TEF: variants seen among roughly 807,000 people sequenced by gnomAD.
The protein encoded by TEF is thyrotroph embryonic factor.
TEF carries 3 observed loss-of-function variants against 20.8 expected under a neutral mutation model. The ratio of observed to expected loss-of-function variants is 0.14; its 90% CI spans 0.07 to 0.37. The LOEUF (loss-of-function observed/expected upper bound fraction) is 0.37, where lower values mean the gene tolerates loss of function less well. TEF is among the 10% of genes least tolerant of loss of function. TEF has a pLI of 1.00. For synonymous variants in TEF, 180 were observed against 171.1 expected (o/e 1.05, Z -0.41); for missense variants, 296 against 397.9 (o/e 0.74, Z 2.18).
At chr22:41,393,260 C>T (rs2037188218) in intron 2 of TEF, among the ~76,000 whole-genome samples, 1 of 149,980 alleles carries the variant, frequency 6.7e-6, no homozygotes, top group Non-Finnish European at 1.5e-5. Context: ...AGGATCACTC[C>T]AGCCCAGAAG....
chr22:41,390,506 T>C (rs915000845), intron 2 of TEF, among the ~76,000 whole-genome samples: 2 of 142,756 alleles, frequency 1.4e-5, no homozygotes, highest in African/African-American at 5.3e-5. Context: ...TTTTTTTTTT[T>C]TTTTTTTTTT....
At chr22:41,373,439 T>C (rs1205141239) in intron 1 of TEF, among the ~76,000 whole-genome samples, 1 of 152,144 alleles carries the variant, frequency 6.6e-6, no homozygotes, top group African/African-American at 2.4e-5. Context: ...TCCATGAACA[T>C]ATATTTTGTA....
chr22:41,392,349 C>T lies in TEF; in HGVS notation c.476-1747C>T, dbSNP rs1161338057. On this transcript the variant is annotated intron_variant, in intron 2 of 3. Coordinates refer to ENST00000266304, the MANE Select transcript of TEF (RefSeq NM_003216.4). ...GGGAAAACCATTTTATTTCTCTGAG[C>T]GTTAGTTTCTTCATCTGTAAACTAG... Among the ~76,000 whole-genome samples the T allele has an allele frequency of 3.9e-5, 6 of 152,036 alleles. No individual in the cohort carries two copies. The East Asian group carries it at 5.8e-4, about 15-fold the overall frequency.
rs531652859 is a variant in TEF, at chr22:41,397,034, G to A, written c.*1074G>A. 3 of 398,866 alleles carry A rather than the reference G, an allele frequency of 7.5e-6. No homozygotes were observed. The highest frequency in any genetic ancestry group is 1.3e-5 in the Non-Finnish European group (3 of 226,324). 24.7% of individuals were successfully genotyped at this position (398,866 alleles called of 1,614,324 possible). ...GCCTGGGCTGGAGTGCACTCTCCCT[G>A]GGGGCAGCTGGGGCCTCGCAATTCT... On this transcript the variant is annotated 3_prime_UTR_variant, in exon 4 of 4. Transcript: ENST00000266304.
At chr22:41,386,543 C>T (rs2037100137) in intron 1 of TEF, among the ~76,000 whole-genome samples, 1 of 151,958 alleles carries the variant, frequency 6.6e-6, no homozygotes, top group South Asian at 2.1e-4. Context: ...GAGTTTGAGA[C>T]CAGTCTGGCC....
chr22:41,394,184 C>T lies in TEF; in HGVS notation c.564C>T (p.Ala188=), dbSNP rs370668760. The T allele has an allele frequency of 1.4e-5, 22 of 1,614,034 alleles. No homozygotes were observed. The highest frequency in any genetic ancestry group is 1.6e-4 in the Middle Eastern group (1 of 6,084). Residue 188 remains alanine, a synonymous_variant, in exon 3 of 4, where the codon GCC becomes GCT. Coordinates refer to ENST00000266304, the MANE Select transcript of TEF (RefSeq NM_003216.4). ...ATGTGAACTTCAATCCGGACCCCGC[C>T]GACCTGGTGCTCTCCAGTGTGCCAG... ...EVDVNFNPDP[A]DLVLSSVPGG...
chr22:41,392,531 G>A (rs1758437377), intron 2 of TEF, among the ~76,000 whole-genome samples: 3 of 151,040 alleles, frequency 2.0e-5, no homozygotes, highest in Admixed American at 6.6e-5. Flanking sequence ...AAAATTAGCC[G>A]AGCATGGTAG....
chr22:41,378,932 G>A (rs918205234), upstream of TEF, among the ~76,000 whole-genome samples: 5 of 152,206 alleles, frequency 3.3e-5, no homozygotes, highest in Non-Finnish European at 7.3e-5. Flanking sequence ...GAGTGACACA[G>A]GCACCACACT....
Position 41,396,219 on chromosome 22 carries a change from C to G in TEF, c.*259C>G. 1 of 450,044 alleles carries G rather than the reference C, an allele frequency of 2.2e-6. No individual in the cohort carries two copies. The highest frequency in any genetic ancestry group is 4.1e-6 in the Non-Finnish European group (1 of 245,916). 27.9% of individuals were successfully genotyped at this position (450,044 alleles called of 1,614,324 possible). ...GGGTGACTCAGCCTTAGTTTCTATTCTTGGATGTCCCAGTTGAATCAGAAG... is the reference window on the plus strand; with the variant it reads ...GGGTGACTCAGCCTTAGTTTCTATTGTTGGATGTCCCAGTTGAATCAGAAG... On this transcript the variant is annotated 3_prime_UTR_variant, in exon 4 of 4. Coordinates refer to ENST00000266304, the MANE Select transcript of TEF (RefSeq NM_003216.4).
Position 41,381,990 on chromosome 22 carries a change from C to T in TEF, c.-55C>T. On this transcript the variant is annotated 5_prime_UTR_variant, in exon 1 of 4. Coordinates refer to ENST00000266304, the MANE Select transcript of TEF (RefSeq NM_003216.4). ...CTGCAGCGGGTCGCACGGCTCCGGCCCATCTCGGGGGGCGGGCGGGGGAGG... is the reference window on the plus strand; with the variant it reads ...CTGCAGCGGGTCGCACGGCTCCGGCTCATCTCGGGGGGCGGGCGGGGGAGG... The T allele has an allele frequency of 2.4e-6, 3 of 1,228,464 alleles. No homozygotes were observed. The highest frequency in any genetic ancestry group is 3.2e-5 in the East Asian group (1 of 31,466). 76.1% of individuals were successfully genotyped at this position (1,228,464 alleles called of 1,614,324 possible).
At chr22:41,371,713 C>A (rs1374673345) in intron 1 of TEF, among the ~76,000 whole-genome samples, 2 of 152,196 alleles carry the variant, frequency 1.3e-5, no homozygotes, top group Admixed American at 1.3e-4. Flanking sequence ...CTTCTTTCCA[C>A]CTTCCTTTGA....
chr22:41,395,472 G>C (rs1358753466), intron 3 of TEF, among the ~76,000 whole-genome samples: 1 of 152,178 alleles, frequency 6.6e-6, no homozygotes, highest in Non-Finnish European at 1.5e-5. Context: ...ACAGTGCAAT[G>C]CTTTGTGCTG....
At chr22:41,388,247 C>T (rs1180273804) in intron 2 of TEF, among the ~76,000 whole-genome samples, 2 of 152,064 alleles carry the variant, frequency 1.3e-5, no homozygotes, top group Non-Finnish European at 2.9e-5. Context: ...ATCTGCCCGC[C>T]TCAGCCTCCC....
At chr22:41,368,510 C>G (rs1351835143) in intron 1 of TEF, among the ~76,000 whole-genome samples, 1 of 152,188 alleles carries the variant, frequency 6.6e-6, no homozygotes, top group African/African-American at 2.4e-5. Context: ...CCACAGGACG[C>G]TCTCAGCCCA....
At chr22:41,371,845 T>G (rs1408246512) in intron 1 of TEF, among the ~76,000 whole-genome samples, 1 of 152,094 alleles carries the variant, frequency 6.6e-6, no homozygotes, top group Non-Finnish European at 1.5e-5. Context: ...CAGCCCCATT[T>G]CATAACAGGC....
rs956000583 is a variant in TEF at position 41,374,477 on chromosome 22, A to G, written c.67+6878A>G. Among the ~76,000 whole-genome samples the G allele has an allele frequency of 5.3e-5, 8 of 151,762 alleles. No individual in the cohort carries two copies. The South Asian group carries it at 1.0e-3, about 20-fold the overall frequency. ...TGAGGCAGGAGAATGGCGTGAACCC[A>G]GGAGGCAGAACTTGCAGTGAGCCGA... On this transcript the variant is annotated intron_variant, in intron 1 of 3. Coordinates refer to the TEF transcript ENST00000406644.
At chr22:41,383,485 G>A (rs549231105) in intron 1 of TEF, among the ~76,000 whole-genome samples, 2 of 152,304 alleles carry the variant, frequency 1.3e-5, no homozygotes, top group Non-Finnish European at 2.9e-5. Context: ...TGCTCGCAAA[G>A]CACGCTGACA....
chr22:41,396,138 G>A lies in TEF; in HGVS notation c.*178G>A, dbSNP rs915508179. The A allele has an allele frequency of 3.1e-5, 20 of 639,136 alleles. No homozygotes were observed. The East Asian group carries it at 3.7e-4, about 12-fold the overall frequency. 39.6% of individuals were successfully genotyped at this position (639,136 alleles called of 1,614,324 possible). The stretch of plus-strand genomic sequence containing the variant: ...TACCATGGCCTGCGCACGTGGCGAC[G>A]TCCCTGAGGGGCCAGTCTCCTCACT... On this transcript the variant is annotated 3_prime_UTR_variant, in exon 4 of 4. Coordinates refer to ENST00000266304, the MANE Select transcript of TEF (RefSeq NM_003216.4).
intron 2 of TEF, among the ~76,000 whole-genome samples, chr22:41,389,986 G>A (rs935839405): frequency 3.3e-5 from 5 of 151,282 alleles, no homozygotes; most frequent in South Asian, 2.1e-4. Flanking sequence ...TGCAACCTCC[G>A]CCTCCTGGGT....
Sources: gnomAD v4.1 joint callset for allele counts (sites outside exome capture counted in the v4.1 genomes callset) on GRCh38, gnomAD v4.1.1 for gene constraint, MANE v1.5 for transcripts, NCBI Gene and HGNC (gene_info 2026-07-23, HGNC 2026-07-21) for gene names.